KCNK10: variants seen among roughly 807,000 people sequenced by gnomAD.
KCNK10 encodes potassium channel subfamily K member 10.
Under a neutral mutation model 47.7 loss-of-function variants are expected in KCNK10, and 25 were observed. The observed-to-expected ratio is 0.52, with a 90% CI of 0.38 to 0.73. The LOEUF (loss-of-function observed/expected upper bound fraction) is 0.73, where lower values mean the gene tolerates loss of function less well. KCNK10 is among the 30% of genes least tolerant of loss of function. The pLI is 0.00. For synonymous variants in KCNK10, 303 were observed against 285.6 expected (o/e 1.06, Z -0.61); for missense variants, 563 against 714.5 (o/e 0.79, Z 2.42).
At chr14:88,191,847 A>G (rs1264740355) in intron 5 of KCNK10, among the ~76,000 whole-genome samples, 1 of 152,218 alleles carries the variant, frequency 6.6e-6, no homozygotes, top group Non-Finnish European at 1.5e-5. Context: ...ACCAAATTCT[A>G]TGCTAATCTC....
intron 1 of KCNK10, among the ~76,000 whole-genome samples, chr14:88,314,480 T>C (rs1238589923): frequency 2.0e-5 from 3 of 152,242 alleles, no homozygotes; most frequent in Non-Finnish European, 4.4e-5. Flanking sequence ...AAATCAACTA[T>C]GATACACTGC....
intron 4 of KCNK10, among the ~76,000 whole-genome samples, chr14:88,197,705 G>A (rs1259742238): frequency 5.5e-5 from 8 of 145,916 alleles, no homozygotes; most frequent in East Asian, 2.1e-4. Flanking sequence ...AAGATAATAC[G>A]CTATTGGAAC....
upstream of KCNK10, chr14:88,323,312 G>A (rs1888592410): frequency 1.0e-6 from 1 of 984,062 alleles, no homozygotes; most frequent in South Asian, 4.7e-5. Context: ...GAGCGCACAC[G>A]CCCCACCCCG....
At chr14:88,261,495 G>A (rs756424400) in intron 2 of KCNK10, among the ~76,000 whole-genome samples, 11 of 152,218 alleles carry the variant, frequency 7.2e-5, no homozygotes, top group Non-Finnish European at 1.6e-4. Flanking sequence ...ACTCACACCT[G>A]TAATCCCAGC....
intron 2 of KCNK10, among the ~76,000 whole-genome samples, chr14:88,257,730 A>G (rs1886996793): frequency 1.3e-5 from 2 of 152,212 alleles, no homozygotes; most frequent in Non-Finnish European, 2.9e-5. Context: ...TGGGGACTGA[A>G]GGAGATAAAT....
chr14:88,279,025 C>T (rs549054542), intron 1 of KCNK10, among the ~76,000 whole-genome samples: 4 of 152,210 alleles, frequency 2.6e-5, no homozygotes, highest in South Asian at 2.1e-4. Flanking sequence ...AAAAGTGCCA[C>T]GCCACTGAAT....
At chr14:88,242,376 TA>T (rs1449893609) in intron 2 of KCNK10, among the ~76,000 whole-genome samples, 4 of 152,234 alleles carry the variant, frequency 2.6e-5, no homozygotes, top group African/African-American at 9.7e-5. Context: ...TTTCTTTTTT[TA>T]AATAATCTTT....
At chr14:88,267,890 A>T (rs1051495307) in intron 1 of KCNK10, among the ~76,000 whole-genome samples, 1 of 152,170 alleles carries the variant, frequency 6.6e-6, no homozygotes, top group Non-Finnish European at 1.5e-5. Context: ...CCTACTGGGC[A>T]CTTACTCATG....
intron 1 of KCNK10, among the ~76,000 whole-genome samples, chr14:88,264,243 C>A (rs1251379946): frequency 6.6e-6 from 1 of 152,192 alleles, no homozygotes; most frequent in Non-Finnish European, 1.5e-5. Context: ...CTCTGTAGGG[C>A]AATTTCATTA....
intron 3 of KCNK10, among the ~76,000 whole-genome samples, chr14:88,228,780 CTT>C (rs1886066924): frequency 6.6e-6 from 1 of 152,312 alleles, no homozygotes; most frequent in East Asian, 1.9e-4. Context: ...ATTCAAACCT[CTT>C]ATAATAATCT....
At chr14:88,278,135 A>G (rs1335772258) in intron 1 of KCNK10, among the ~76,000 whole-genome samples, 2 of 152,116 alleles carry the variant, frequency 1.3e-5, no homozygotes, top group Non-Finnish European at 2.9e-5. Flanking sequence ...CTCCACCCCT[A>G]TGGAATTCAG....
In KCNK10 at chr14:88,297,882, G is replaced by A. The variant is rs150720691; in HGVS notation, c.52+24865C>T. On this transcript the variant is annotated intron_variant, in intron 1 of 6. Transcript: ENST00000319231. The stretch of plus-strand genomic sequence containing the variant: ...GGATGTGGGAGATGCAGACTTAGAC[G>A]TTTCTCTGAGGAAATTTCCAGTGGG... 2.1e-3 allele frequency among the ~76,000 whole-genome samples: 327 copies of A among 152,298 alleles called. 2 individuals are homozygous for A. Among genetic ancestry groups the A allele is most frequent in the African/African-American group, 7.3e-3 (304 of 41,564 alleles).
chr14:88,304,193 T>C (rs1249922446), intron 1 of KCNK10, among the ~76,000 whole-genome samples: 1 of 152,088 alleles, frequency 6.6e-6, no homozygotes, highest in Non-Finnish European at 1.5e-5. Flanking sequence ...CATGTTCCTG[T>C]AGTCCTAGCT....
intron 4 of KCNK10, among the ~76,000 whole-genome samples, chr14:88,215,871 T>C (rs1245300517): frequency 3.3e-5 from 5 of 152,202 alleles, no homozygotes; most frequent in Non-Finnish European, 4.4e-5. Flanking sequence ...ATATCTTTAC[T>C]GTGCATAGAA....
intron 1 of KCNK10, among the ~76,000 whole-genome samples, chr14:88,305,480 A>G (rs1229984950): frequency 6.6e-6 from 1 of 152,100 alleles, no homozygotes; most frequent in Non-Finnish European, 1.5e-5. Flanking sequence ...ATCACTCACC[A>G]GCACCAGGGT....
rs552900286 is a variant in KCNK10 at position 88,204,578 on chromosome 14, C to A, written c.682-12168G>T. 6.7e-5 allele frequency among the ~76,000 whole-genome samples: 6 copies of A among 89,882 alleles called. No homozygotes were observed. In the East Asian group the frequency reaches 1.8e-3, roughly 27 times the overall value. 59.0% of individuals were successfully genotyped at this position (89,882 alleles called of 152,430 possible). On this transcript the variant is annotated intron_variant, in intron 4 of 6. Coordinates refer to ENST00000319231, the MANE Select transcript of KCNK10 (RefSeq NM_138317.3). ...TCAGGGACCCCACCCCCCGCCATTT[C>A]CCCCAACTCCCCCCTACCCCCGCTG...
At chr14:88,283,788 C>A (rs1193308191) in intron 1 of KCNK10, among the ~76,000 whole-genome samples, 1 of 151,982 alleles carries the variant, frequency 6.6e-6, no homozygotes, top group Non-Finnish European at 1.5e-5. Context: ...GTGGTGGGCA[C>A]CTGTAGTCCC....
chr14:88,238,274 C>T (rs945569017), intron 3 of KCNK10, among the ~76,000 whole-genome samples: 121 of 152,314 alleles, frequency 7.9e-4, no homozygotes, highest in African/African-American at 2.9e-3. Context: ...GTTTGATCTT[C>T]TATCCAGACC....
chr14:88,226,364 C>T (rs1389851499), intron 4 of KCNK10, among the ~76,000 whole-genome samples: 1 of 152,138 alleles, frequency 6.6e-6, no homozygotes, highest in Non-Finnish European at 1.5e-5. Context: ...ATTGCAGAGA[C>T]AGCCTTGAAC....
Sources: allele counts gnomAD v4.1 joint callset (sites outside exome capture counted in the v4.1 genomes callset), GRCh38; gene constraint gnomAD v4.1.1; transcripts MANE v1.5; gene names NCBI Gene and HGNC (gene_info 2026-07-23, HGNC 2026-07-21).